Variants in CCDC102B observed in about 807,000 individuals in gnomAD.
The protein encoded by CCDC102B is coiled-coil domain containing 102B.
A neutral mutation model predicts 57.4 loss-of-function variants in CCDC102B; 75 were observed. The observed-to-expected ratio is 1.31, with a 90% confidence interval of 1.08 to 1.58. The LOEUF is 1.58. Ranked by LOEUF, CCDC102B falls within the 40% of genes most tolerant of loss-of-function variation. The pLI is 0.00. For synonymous variants in CCDC102B, 206 were observed against 201.9 expected (o/e 1.02, Z -0.17); for missense variants, 636 against 582.6 (o/e 1.09, Z -0.94).
chr18:68,790,356 AC>A lies in CCDC102B; in HGVS notation c.-66-33007del, dbSNP rs2035397528. On this transcript the variant is annotated intron_variant, in intron 2 of 3. Coordinates refer to the CCDC102B transcript ENST00000578970. ...GCCTCCTTGAGCTGTGGTGGGCTCC[AC>A]CCAGTTCGAGCTTCTGGGCTGCTTT... Among the ~76,000 whole-genome samples the A allele has an allele frequency of 2.0e-5, 3 of 151,460 alleles. No individual in the cohort carries two copies. In the South Asian group the frequency reaches 6.2e-4, roughly 31 times the overall value.
intron 1 of CCDC102B, among the ~76,000 whole-genome samples, chr18:68,824,396 C>T (rs934784271): frequency 2.0e-5 from 3 of 152,090 alleles, no homozygotes; most frequent in African/African-American, 7.2e-5. Flanking sequence ...TTTTCTATTC[C>T]GAGCCTTTTG....
chr18:68,935,603 C>T (rs921654325), intron 6 of CCDC102B, among the ~76,000 whole-genome samples: 5 of 151,954 alleles, frequency 3.3e-5, no homozygotes, highest in African/African-American at 1.2e-4. Context: ...AACTGGGCGT[C>T]TTCAGCTTAT....
chr18:68,989,474 T>G (rs1213390288), intron 6 of CCDC102B, among the ~76,000 whole-genome samples: 2 of 152,220 alleles, frequency 1.3e-5, no homozygotes, highest in Non-Finnish European at 2.9e-5. Flanking sequence ...CAAGTTATTT[T>G]TCTTTCATTA....
rs1422933816 is a variant in CCDC102B at position 68,837,018 on chromosome 18, T to A, written c.255T>A (p.Ala85=). The A allele has an allele frequency of 6.2e-7, 1 of 1,614,022 alleles. No individual in the cohort carries two copies. Among genetic ancestry groups the A allele is most frequent in the Non-Finnish European group, 8.5e-7 (1 of 1,180,032 alleles). Residue 85 remains alanine, a synonymous_variant, in exon 2 of 8, where the codon GCT becomes GCA. Coordinates refer to ENST00000360242, the MANE Select transcript of CCDC102B (RefSeq NM_024781.3). ...LRELEEVKAR[A]AQMEKTMRWW... is the part of the protein sequence containing the mutation. ...AGCTTGAAGAAGTCAAGGCCAGAGC[T>A]GCTCAGATGGAAAAGACCATGCGGT... is the stretch of plus-strand genomic sequence containing the variant.
rs2037854934 is a variant in CCDC102B, at chr18:68,846,324, C to T, written c.839C>T (p.Ala280Val). ...CTTAAATTATTTAGAATGCGCACAG[C>T]TTTGGAAAAAGAAATAGAGAGACTG... Reference protein sequence around the residue: ...ILWKEREMRTALEKEIERLES... With the variant: ...ILWKEREMRTVLEKEIERLES... Residue 280 changes from alanine to valine, a missense_variant, in exon 4 of 8, where the codon GCT (alanine) becomes GTT (valine). Ala to Val is a moderately conservative substitution (Grantham distance 64). Coordinates refer to ENST00000360242, the MANE Select transcript of CCDC102B (RefSeq NM_024781.3). 1 of 1,555,202 alleles carries T rather than the reference C, an allele frequency of 6.4e-7. No individual in the cohort carries two copies. Among genetic ancestry groups the T allele is most frequent in the Non-Finnish European group, 8.6e-7 (1 of 1,156,744 alleles).
chr18:68,948,671 C>T (rs944464006), intron 6 of CCDC102B, among the ~76,000 whole-genome samples: 5 of 152,012 alleles, frequency 3.3e-5, no homozygotes, highest in Admixed American at 3.3e-4. Context: ...CCTCGGAAGC[C>T]TCTATTATGC....
chr18:68,996,043 T>C (rs1338591412), intron 6 of CCDC102B, among the ~76,000 whole-genome samples: 3 of 152,118 alleles, frequency 2.0e-5, no homozygotes, highest in Non-Finnish European at 4.4e-5. Context: ...TGATGGTTAA[T>C]ATTGAGTGTC....
At position 68,897,310 on chromosome 18, in the gene CCDC102B, G is replaced by T; in HGVS notation, c.1145G>T (p.Arg382Met). 1 of 1,612,992 alleles carries T rather than the reference G, an allele frequency of 6.2e-7. No homozygotes were observed. The highest frequency in any genetic ancestry group is 8.5e-7 in the Non-Finnish European group (1 of 1,179,234). ...EKQGLERENR[R>M]LKIQVKEMEE... The stretch of plus-strand genomic sequence containing the variant: ...CAGGGACTGGAGAGAGAAAATAGAA[G>T]GCTGAAGATCCAGGTGAAAGAAATG... Residue 382 changes from arginine (R) to methionine (M), a missense_variant, in exon 6 of 8, where the codon AGG becomes ATG. Transcript: ENST00000360242.
chr18:68,954,302 C>G (rs1417797473), intron 6 of CCDC102B, among the ~76,000 whole-genome samples: 1 of 152,100 alleles, frequency 6.6e-6, no homozygotes, highest in Non-Finnish European at 1.5e-5. Context: ...CATCTGTAAT[C>G]CCAGCTACTC....
chr18:68,747,958 T>C (rs1456833215), intron 2 of CCDC102B, among the ~76,000 whole-genome samples: 1 of 152,110 alleles, frequency 6.6e-6, no homozygotes, highest in Non-Finnish European at 1.5e-5. Flanking sequence ...TCCCTAGTCA[T>C]TTCACCATTT....
At chr18:68,775,367 TGTTTA>T (rs1057161939) in intron 2 of CCDC102B, among the ~76,000 whole-genome samples, 3 of 152,106 alleles carry the variant, frequency 2.0e-5, no homozygotes, top group Non-Finnish European at 4.4e-5. Flanking sequence ...CATTTTCAGT[TGTTTA>T]GTTAGTGTTT....
intron 6 of CCDC102B, among the ~76,000 whole-genome samples, chr18:68,912,675 TATAAG>T (rs2040917877): frequency 6.6e-6 from 1 of 152,284 alleles, no homozygotes; most frequent in East Asian, 1.9e-4. Context: ...TGGTCCAACT[TATAAG>T]AGAAATGGGA....
At chr18:68,822,531 C>T (rs904328654) in intron 1 of CCDC102B, among the ~76,000 whole-genome samples, 3 of 151,272 alleles carry the variant, frequency 2.0e-5, no homozygotes, top group Admixed American at 6.6e-5. Context: ...TTTTTTACAA[C>T]GCCTATTTTT....
chr18:68,955,916 A>G (rs966340030), intron 6 of CCDC102B, among the ~76,000 whole-genome samples: 2 of 152,084 alleles, frequency 1.3e-5, no homozygotes, highest in Admixed American at 6.6e-5. Context: ...GTTACAAACA[A>G]TCCAATTACA....
At chr18:68,716,919 A>G (rs2032041073) in intron 2 of CCDC102B, among the ~76,000 whole-genome samples, 1 of 151,822 alleles carries the variant, frequency 6.6e-6, no homozygotes, top group Admixed American at 6.6e-5. Context: ...TCTACTAAGA[A>G]TACAGAGAAT....
intron 6 of CCDC102B, among the ~76,000 whole-genome samples, chr18:68,912,477 T>C (rs1203114990): frequency 1.3e-5 from 2 of 152,238 alleles, no homozygotes; most frequent in African/African-American, 4.8e-5. Flanking sequence ...TCAGAAACTT[T>C]AGATGTGGGG....
intron 2 of CCDC102B, among the ~76,000 whole-genome samples, chr18:68,735,785 A>G (rs1433858760): frequency 6.6e-6 from 1 of 152,196 alleles, no homozygotes; most frequent in Non-Finnish European, 1.5e-5. Context: ...TCCAGTATAA[A>G]CTAACCAATT....
At chr18:68,948,742 T>C (rs546321223) in intron 6 of CCDC102B, among the ~76,000 whole-genome samples, 20 of 152,224 alleles carry the variant, frequency 1.3e-4, no homozygotes, top group African/African-American at 4.1e-4. Context: ...AGCTTTTCTG[T>C]CATACATATT....
At chr18:68,890,752 T>G (rs1265608720) in intron 5 of CCDC102B, among the ~76,000 whole-genome samples, 1 of 152,226 alleles carries the variant, frequency 6.6e-6, no homozygotes, top group Non-Finnish European at 1.5e-5. Flanking sequence ...GTTTTTGGAT[T>G]TATTCATAGT....
Sources: gnomAD v4.1 joint callset for allele counts (sites outside exome capture counted in the v4.1 genomes callset) on GRCh38, gnomAD v4.1.1 for gene constraint, MANE v1.5 for transcripts, NCBI Gene and HGNC (gene_info 2026-07-23, HGNC 2026-07-21) for gene names.